Variants in NPFFR1 observed in about 807,000 individuals in gnomAD.
The protein encoded by NPFFR1 is G-protein coupled receptor 147.
NPFFR1 carries 17 observed loss-of-function variants against 12.7 expected under a neutral mutation model. That is an observed-to-expected ratio of 1.34 (90% confidence interval 0.92 to 2.01). The LOEUF is 2.01. Among genes scored for constraint, NPFFR1 ranks in the 30% most tolerant of loss-of-function variants. NPFFR1 has a pLI of 0.00. For missense variants in NPFFR1, 604 were observed against 606.5 expected (o/e 1.00, Z 0.04); for synonymous variants, 296 against 264.5 (o/e 1.12, Z -1.16).
chr10:70,274,518 C>T (rs1840781622), intron 1 of NPFFR1, among the ~76,000 whole-genome samples: 1 of 152,102 alleles, frequency 6.6e-6, no homozygotes, highest in Non-Finnish European at 1.5e-5. Flanking sequence ...AGCTTGGGAA[C>T]TTGTCTTAGA....
At chr10:70,257,094 C>T (rs916527194) in intron 3 of NPFFR1, among the ~76,000 whole-genome samples, 11 of 152,226 alleles carry the variant, frequency 7.2e-5, no homozygotes, top group African/African-American at 2.4e-4. Context: ...TGGTGAAACC[C>T]CATCTCTACC....
chr10:70,260,656 C>A lies in NPFFR1; in HGVS notation c.406G>T (p.Ala136Ser). Residue 136 changes from alanine (A) to serine (S), a missense_variant, in exon 3 of 4, where the codon GCC becomes TCC. Physicochemically the swap from Ala to Ser is moderately conservative, Grantham distance 99 (BLOSUM62 1). Coordinates refer to ENST00000277942, the MANE Select transcript of NPFFR1 (RefSeq NM_022146.5). ...SVSASVFTLV[A>S]IAVERFRCIV... is the part of the protein sequence containing the mutation. ...ACCTCTCACCTTTCCACAGCAATGG[C>A]CACCAGTGTGAAAACGGAAGCCGAC... 6.2e-7 allele frequency: 1 copy of A among 1,610,510 alleles called. No individual in the cohort carries two copies. Among genetic ancestry groups the A allele is most frequent in the Non-Finnish European group, 8.5e-7 (1 of 1,178,414 alleles).
chr10:70,259,462 C>T (rs945113569), intron 3 of NPFFR1, among the ~76,000 whole-genome samples: 12 of 152,026 alleles, frequency 7.9e-5, no homozygotes, highest in African/African-American at 2.9e-4. Context: ...CTGCAAACAC[C>T]ACTGGGAGAA....
chr10:70,283,573 G>T, intron 1 of NPFFR1, 97 bp downstream of exon 1: 1 of 1,192,036 alleles, frequency 8.4e-7, no homozygotes, highest in Non-Finnish European at 1.2e-6. Flanking sequence ...GGACAGCCAT[G>T]GGTGATCAGC....
In NPFFR1 at chr10:70,283,734, C is replaced by A. The variant is rs1488786191; in HGVS notation, c.-58G>T. 19 of 1,526,230 alleles carry A rather than the reference C, an allele frequency of 1.2e-5. No homozygotes were observed. The highest frequency in any genetic ancestry group is 8.2e-5 in the African/African-American group (6 of 72,832). The allele number at this position is 1,526,230 out of a possible 1,614,324, so 94.5% of individuals were successfully genotyped here. On this transcript the variant is annotated 5_prime_UTR_variant, in exon 1 of 4. The change creates a premature stop within an existing upstream ORF in the 5' untranslated region. Transcript: ENST00000277942. ...GATGGCGGGAGGCAGCGGGCCCCTT[C>A]GGGCCAGCGGGCAGAGGGACGGTCT... is the stretch of plus-strand genomic sequence containing the variant.
At chr10:70,265,383 G>T (rs140149114) in intron 2 of NPFFR1, among the ~76,000 whole-genome samples, 44 of 152,310 alleles carry the variant, frequency 2.9e-4, no homozygotes, top group African/African-American at 1.0e-3. Flanking sequence ...AAGGCCAGTC[G>T]CATGAGAGAG....
intron 1 of NPFFR1, among the ~76,000 whole-genome samples, chr10:70,281,276 G>C (rs1309892670): frequency 1.3e-5 from 2 of 152,154 alleles, no homozygotes; most frequent in African/African-American, 4.8e-5. Context: ...CAGACCAGTG[G>C]GGAGGTGAAG....
rs1564595352 is a variant in NPFFR1, at chr10:70,266,183, C to G, written c.216G>C (p.Arg72=). 3.1e-6 allele frequency: 5 copies of G among 1,614,016 alleles called. No individual in the cohort carries two copies. Among genetic ancestry groups the G allele is most frequent in the Non-Finnish European group, 4.2e-6 (5 of 1,179,892 alleles). ...TLVCFIVLKN[R]HMHTVTNMFI... ...ACATGTTGGTGACAGTATGCATGTG[C>G]CGGTTCTTGAGCACGATGAAACAGA... The change falls in exon 2 of 4, where the codon CGG becomes CGC. Residue 72 remains arginine (R), a synonymous_variant. Coordinates refer to ENST00000277942, the MANE Select transcript of NPFFR1 (RefSeq NM_022146.5).
intron 1 of NPFFR1, among the ~76,000 whole-genome samples, chr10:70,274,831 C>A (rs1373135955): frequency 6.6e-6 from 1 of 152,196 alleles, no homozygotes; most frequent in Non-Finnish European, 1.5e-5. Context: ...TGTGGGGAAC[C>A]AGTAGGTCGC....
rs1196280113 is a variant in NPFFR1, at chr10:70,252,907, C to T, written c.*2050G>A. ...GGAGAAACACACCCCAGAGGAGACA[C>T]CAGGTGGTGTCTTCAGACAATTCCC... is the stretch of plus-strand genomic sequence containing the variant. On this transcript the variant is annotated 3_prime_UTR_variant, in exon 4 of 4. Coordinates refer to ENST00000277942, the MANE Select transcript of NPFFR1 (RefSeq NM_022146.5). The T allele has an allele frequency of 6.6e-6, 1 of 152,122 alleles. No individual in the cohort carries two copies. The highest frequency in any genetic ancestry group is 1.5e-5 in the Non-Finnish European group (1 of 68,034). 9.4% of individuals were successfully genotyped at this position (152,122 alleles called of 1,614,324 possible). A position where few individuals can be genotyped will look rare whatever the true frequency, so the allele number is the denominator to read the frequency against.
At chr10:70,281,789 A>G (rs972505624) in intron 1 of NPFFR1, among the ~76,000 whole-genome samples, 7 of 152,194 alleles carry the variant, frequency 4.6e-5, no homozygotes, top group African/African-American at 9.6e-5. Context: ...TTTAATTTAC[A>G]TAATTTATGG....
rs868570313 is a variant in NPFFR1, at chr10:70,255,000, C to A, written c.1250G>T (p.Gly417Val). The A allele has an allele frequency of 6.9e-7, 1 of 1,446,942 alleles. No individual in the cohort carries two copies. The allele number at this position is 1,446,942 out of a possible 1,614,324, so 89.6% of individuals were successfully genotyped here. A position where few individuals can be genotyped will look rare whatever the true frequency, so the allele number is the denominator to read the frequency against. Residue 417 changes from glycine to valine, a missense_variant, in exon 4 of 4, where the codon GGC (glycine) becomes GTC (valine). By Grantham distance (109) the Gly-to-Val change is moderately radical. Coordinates refer to ENST00000277942, the MANE Select transcript of NPFFR1 (RefSeq NM_022146.5). ...AHHGLPREGP[G>V]CSHLPLTIPA... ...AATGGTGAGGGGCAGGTGGGAGCAG[C>A]CAGGCCCTTCCCTGGGCAAGCCGTG...
chr10:70,259,351 G>C (rs544257413), intron 3 of NPFFR1, among the ~76,000 whole-genome samples: 1 of 152,012 alleles, frequency 6.6e-6, no homozygotes, highest in African/African-American at 2.4e-5. Flanking sequence ...AATTCTTAAA[G>C]CCTGTAGTGC....
chr10:70,263,901 C>T (rs990177570), intron 2 of NPFFR1, among the ~76,000 whole-genome samples: 6 of 151,700 alleles, frequency 4.0e-5, no homozygotes, highest in Non-Finnish European at 7.4e-5. Flanking sequence ...GGCTTGAACC[C>T]AGGAGTTTGA....
Position 70,251,333 on chromosome 10 carries a change from G to T in NPFFR1, c.*3624C>A, listed in dbSNP as rs1589907186. On this transcript the variant is annotated 3_prime_UTR_variant, in exon 4 of 4. Transcript: ENST00000277942. ...GCTCTCATCTTCCTTTGCCAACTTC[G>T]CCCTCCATTCCAATGCAGATCAGCT... 1 of 152,342 alleles carries T rather than the reference G, an allele frequency of 6.6e-6. No homozygotes were observed. The highest frequency in any genetic ancestry group is 2.1e-4 in the South Asian group (1 of 4,838). 9.4% of individuals were successfully genotyped at this position (152,342 alleles called of 1,614,324 possible).
At position 70,254,948 on chromosome 10, in the gene NPFFR1, T is replaced by G; in HGVS notation, c.*9A>C. ...CCCTGAGGCAGCGTCCCGCCCTCCC[T>G]GGACCCCCTCAGATATCCCAGGCTG... is the stretch of plus-strand genomic sequence containing the variant. On this transcript the variant is annotated 3_prime_UTR_variant, in exon 4 of 4. Transcript: ENST00000277942. 2.0e-6 allele frequency: 2 copies of G among 1,014,624 alleles called. No homozygotes were observed. Among genetic ancestry groups the G allele is most frequent in the Non-Finnish European group, 1.3e-6 (1 of 774,106 alleles). The allele number at this position is 1,014,624 out of a possible 1,614,324, so 62.9% of individuals were successfully genotyped here. A position where few individuals can be genotyped will look rare whatever the true frequency, so the allele number is the denominator to read the frequency against.
intron 1 of NPFFR1, among the ~76,000 whole-genome samples, chr10:70,283,274 C>A (rs883166): frequency 0.32 from 47,698 of 149,852 alleles, 8,518 homozygotes; most frequent in South Asian, 0.49. Context: ...AATACAGAGG[C>A]ACCCCCAAGT....
At chr10:70,271,669 C>T (rs1840743358) in intron 1 of NPFFR1, among the ~76,000 whole-genome samples, 1 of 152,120 alleles carries the variant, frequency 6.6e-6, no homozygotes, top group Non-Finnish European at 1.5e-5. Flanking sequence ...AAGGGCTGTG[C>T]TGAGGCTTCG....
At chr10:70,281,990 G>C (rs939651754) in intron 1 of NPFFR1, among the ~76,000 whole-genome samples, 1 of 152,138 alleles carries the variant, frequency 6.6e-6, no homozygotes, top group Non-Finnish European at 1.5e-5. Context: ...CAGTGTAGAG[G>C]CTTTTTAGAT....
Sources: gnomAD v4.1 joint callset for allele counts (sites outside exome capture counted in the v4.1 genomes callset) on GRCh38, gnomAD v4.1.1 for gene constraint, MANE v1.5 for transcripts, NCBI Gene and HGNC (gene_info 2026-07-23, HGNC 2026-07-21) for gene names.